The following CSMD3 variants were observed in gnomAD, a reference collection of about 807,000 sequenced individuals.
CSMD3 encodes the protein CUB and Sushi multiple domains 3, also known as CUB and sushi domain-containing protein 3.
Under a neutral mutation model 435.2 loss-of-function variants are expected in CSMD3, and 177 were observed. The ratio of observed to expected loss-of-function variants is 0.41; its 90% CI spans 0.36 to 0.46. CSMD3 has a LOEUF of 0.46. Among genes scored for constraint, CSMD3 ranks in the 20% least tolerant of loss-of-function variants. CSMD3 has a pLI of 0.34. For synonymous variants in CSMD3, 1,656 were observed against 1,520.5 expected, an observed-to-expected ratio of 1.09 and a Z score of -2.07; for missense variants, 4,265 against 4,504.6, an observed-to-expected ratio of 0.95 and a Z score of 1.52.
chr8:112,442,430 A>G (rs1815130823), intron 32 of CSMD3, among the ~76,000 whole-genome samples: 1 of 152,184 alleles, frequency 6.6e-6, no homozygotes. Context: ...TTGAATTTAC[A>G]TCCAAACTCT....
At position 113,034,634 on chromosome 8, in the gene CSMD3, T is replaced by C. The variant is rs1185194627; in HGVS notation, c.918-15455A>G. Among the ~76,000 whole-genome samples the C allele has an allele frequency of 2.4e-4, 36 of 152,134 alleles. 2 individuals carry two copies. Among genetic ancestry groups the C allele is most frequent in the Non-Finnish European group, 1.5e-5 (1 of 67,988 alleles). On this transcript the variant is annotated intron_variant, in intron 5 of 70. Transcript: ENST00000297405. The stretch of plus-strand genomic sequence containing the variant: ...GTAGAGAGTGTTTCAGAACACTGAA[T>C]ATAATAAATACCCTTTGACTTACAC...
At chr8:112,287,363 G>A in intron 57 of CSMD3, 117 bp from the exon 58 acceptor site, 2 of 866,760 alleles carry the variant, frequency 2.3e-6, no homozygotes. Context: ...TAGCACAGAT[G>A]GAGTAAAATT....
intron 27 of CSMD3, among the ~76,000 whole-genome samples, chr8:112,531,409 C>T (rs1456716704): frequency 6.6e-6 from 1 of 152,136 alleles, no homozygotes; most frequent in East Asian, 1.9e-4. Flanking sequence ...AGCCTCAGTG[C>T]TGTGCTGGTC....
At chr8:112,948,107 TC>T (rs1420632749) in intron 8 of CSMD3, among the ~76,000 whole-genome samples, 1 of 85,120 alleles carries the variant, frequency 1.2e-5, no homozygotes, top group Non-Finnish European at 2.0e-5. Context: ...CTTGTATTAG[TC>T]TTGCCTATTA....
intron 32 of CSMD3, among the ~76,000 whole-genome samples, chr8:112,419,008 C>T (rs1272937000): frequency 1.3e-5 from 2 of 152,030 alleles, no homozygotes; most frequent in East Asian, 3.8e-4. Context: ...TATGTATAAG[C>T]GAACATTTCA....
rs894969375 is a variant in CSMD3 at position 112,630,990 on chromosome 8, A to G, written c.3715+5827T>C. On this transcript the variant is annotated intron_variant, in intron 22 of 70. Transcript: ENST00000297405. ...CACACACACACACACACACACTCCT[A>G]ATAGTCTCTTTTGAAAAACATGAGA... Among the ~76,000 whole-genome samples the G allele has an allele frequency of 5.0e-5, 6 of 119,570 alleles. 1 individual carries two copies. The highest frequency in any genetic ancestry group is 5.5e-4 in the South Asian group (2 of 3,668). The allele number at this position is 119,570 out of a possible 152,430, so 78.4% of individuals were successfully genotyped here.
intron 23 of CSMD3, among the ~76,000 whole-genome samples, chr8:112,574,000 T>C (rs1293778333): frequency 6.6e-6 from 1 of 152,016 alleles, no homozygotes; most frequent in African/African-American, 2.4e-5. Flanking sequence ...ACTTGGTTAC[T>C]TGGCTGTTTC....
intron 8 of CSMD3, among the ~76,000 whole-genome samples, chr8:112,951,662 T>G (rs111489110): frequency 0.013 from 2,040 of 151,904 alleles, 25 homozygotes; most frequent in Middle Eastern, 0.048. Context: ...TATTGAATCC[T>G]TAAGGGTTGA....
At chr8:112,527,986 C>T (rs1050291166) in intron 27 of CSMD3, among the ~76,000 whole-genome samples, 1 of 152,062 alleles carries the variant, frequency 6.6e-6, no homozygotes, top group African/African-American at 2.4e-5. Context: ...TGATGAAATT[C>T]GTATAGTATT....
chr8:113,218,381 A>G (rs1284458426), intron 3 of CSMD3, among the ~76,000 whole-genome samples: 2 of 150,782 alleles, frequency 1.3e-5, no homozygotes, highest in Non-Finnish European at 3.0e-5. Flanking sequence ...ACATCTAAAA[A>G]TATCTGAAAC....
intron 10 of CSMD3, among the ~76,000 whole-genome samples, chr8:112,861,075 T>C (rs2080814478): frequency 6.6e-6 from 1 of 151,834 alleles, no homozygotes; most frequent in South Asian, 2.1e-4. Flanking sequence ...ATCCTCGCCT[T>C]GCATAATATA....
At chr8:112,748,308 T>C (rs1427039880) in intron 13 of CSMD3, among the ~76,000 whole-genome samples, 1 of 152,170 alleles carries the variant, frequency 6.6e-6, no homozygotes, top group Middle Eastern at 3.2e-3. Context: ...GGAAGAATAG[T>C]GAAAACAATC....
At chr8:112,285,816 C>T (rs886706670) in intron 58 of CSMD3, among the ~76,000 whole-genome samples, 2 of 151,944 alleles carry the variant, frequency 1.3e-5, no homozygotes, top group African/African-American at 4.8e-5. Flanking sequence ...GCCTCCTGGA[C>T]TCAGTGATCC....
At position 113,240,549 on chromosome 8, in the gene CSMD3, A is replaced by G. The variant is rs78248623; in HGVS notation, c.514+38043T>C. Among the ~76,000 whole-genome samples, 83 of 152,266 alleles carry G rather than the reference A, an allele frequency of 5.5e-4. No homozygotes were observed. In the East Asian group the frequency reaches 0.015, roughly 27 times the overall value. Reference sequence around the variant, plus strand: ...GTTATAGTGTAAACTTTCTATGACAACTTCTAAGTTTCTGCATCAGTAATT... The same window carrying G: ...GTTATAGTGTAAACTTTCTATGACAGCTTCTAAGTTTCTGCATCAGTAATT... On this transcript the variant is annotated intron_variant, in intron 3 of 70. Coordinates refer to ENST00000297405, the MANE Select transcript of CSMD3 (RefSeq NM_198123.2).
chr8:113,236,788 T>G (rs1242007080), intron 3 of CSMD3, among the ~76,000 whole-genome samples: 1 of 152,142 alleles, frequency 6.6e-6, no homozygotes, highest in Non-Finnish European at 1.5e-5. Flanking sequence ...CCAATTCCTC[T>G]AATAACCGCC....
intron 14 of CSMD3, among the ~76,000 whole-genome samples, 196 bp downstream of exon 14, chr8:112,689,672 A>C (rs1389362808): frequency 6.6e-6 from 1 of 152,106 alleles, no homozygotes; most frequent in Non-Finnish European, 1.5e-5. Flanking sequence ...TACCAAGTGA[A>C]CTATGTTAAC....
chr8:113,018,839 T>C, intron 6 of CSMD3: 2 of 533,520 alleles, frequency 3.7e-6, no homozygotes, highest in South Asian at 4.7e-5. Flanking sequence ...TACTACCTTT[T>C]AGAAATCATA....
rs2131546136 is a variant in CSMD3 at position 113,098,787 on chromosome 8, C to T, written c.886G>A (p.Glu296Lys). ...GTAGGTGGCTCAGAACCTTCTATTTCTAAGTAATCATATTTCTCTTCCATT... is the reference window on the plus strand; with the variant it reads ...GTAGGTGGCTCAGAACCTTCTATTTTTAAGTAATCATATTTCTCTTCCATT... The part of the protein sequence containing the change: ...FQMEEKYDYL[E>K]IEGSEPPTIW... Residue 296 changes from glutamate (E) to lysine (K), a missense_variant, in exon 5 of 71, where the codon GAA becomes AAA. Glu to Lys is a moderately conservative substitution (Grantham distance 56, BLOSUM62 1). This residue lies in a region of CSMD3 where 731 missense variants were observed against 755.4 expected (regional missense o/e 0.97). Coordinates refer to ENST00000297405, the MANE Select transcript of CSMD3 (RefSeq NM_198123.2). 1 of 1,612,224 alleles carries T rather than the reference C, an allele frequency of 6.2e-7. No homozygotes were observed. The highest frequency in any genetic ancestry group is 8.5e-7 in the Non-Finnish European group (1 of 1,178,648).
At chr8:112,735,742 G>A (rs574250822) in intron 13 of CSMD3, among the ~76,000 whole-genome samples, 2 of 151,920 alleles carry the variant, frequency 1.3e-5, no homozygotes, top group Admixed American at 6.6e-5. Flanking sequence ...TTCAGGCAAC[G>A]TCATTCTCAT....
Sources: gnomAD v4.1 joint callset for allele counts (sites outside exome capture counted in the v4.1 genomes callset) on GRCh38, gnomAD v4.1.1 for gene constraint, gnomAD v4.1.1 regional missense constraint, MANE v1.5 for transcripts, NCBI Gene and HGNC (gene_info 2026-07-23, HGNC 2026-07-21) for gene names.